The following MOB1A variants were observed in gnomAD, a reference collection of about 807,000 sequenced individuals.
The protein encoded by MOB1A is MOB kinase activator 1A.
MOB1A carries 10 observed loss-of-function variants against 25.1 expected under a neutral mutation model. The ratio of observed to expected loss-of-function variants is 0.40; its 90% CI spans 0.25 to 0.68. The LOEUF (loss-of-function observed/expected upper bound fraction) is 0.68. Among genes scored for constraint, MOB1A ranks in the 30% least tolerant of loss-of-function variants. MOB1A has a pLI of 0.40. For synonymous variants in MOB1A, 81 were observed against 79.5 expected (o/e 1.02, Z -0.10); for missense variants, 177 against 256.3 (o/e 0.69, Z 2.11).
chr2:74,162,158 G>A (rs1230559793), intron 4 of MOB1A, among the ~76,000 whole-genome samples: 4 of 152,092 alleles, frequency 2.6e-5, no homozygotes, highest in Non-Finnish European at 4.4e-5. Context: ...AAGAGGTGGT[G>A]GATCAGAATG....
chr2:74,168,381 T>C (rs764486187), intron 2 of MOB1A, among the ~76,000 whole-genome samples: 4 of 152,234 alleles, frequency 2.6e-5, no homozygotes, highest in Non-Finnish European at 4.4e-5. Flanking sequence ...AAAAATGTTT[T>C]AGGCTAGGTG....
chr2:74,173,239 A>G (rs375784105), intron 1 of MOB1A: 81 of 516,258 alleles, frequency 1.6e-4, no homozygotes, highest in Non-Finnish European at 3.0e-4. Context: ...GATTAGCAGC[A>G]CAATTCCACA....
chr2:74,170,651 C>G (rs1693265614), intron 2 of MOB1A, among the ~76,000 whole-genome samples: 1 of 150,104 alleles, frequency 6.7e-6, no homozygotes, highest in African/African-American at 2.5e-5. Context: ...AGAAGAATCA[C>G]CTGAACACAG....
Position 74,165,245 on chromosome 2 carries a change from C to T in MOB1A, c.382G>A (p.Asp128Asn), listed in dbSNP as rs1693097676. 6.4e-7 allele frequency: 1 copy of T among 1,556,372 alleles called. No homozygotes were observed. Among genetic ancestry groups the T allele is most frequent in the Admixed American group, 1.9e-5 (1 of 51,980 alleles). ...ATCTTAGAAGGAAAAAGAGTTTCAT[C>T]ATCAAGCTGATCTTGAACCCAAGTC... ...LMTWVQDQLD[D>N]ETLFPSKIGV... The change falls in exon 4 of 6, where the codon GAT (aspartate) becomes AAT (asparagine). Residue 128 changes from aspartate (D) to asparagine (N), a missense_variant. Coordinates refer to ENST00000396049, the MANE Select transcript of MOB1A (RefSeq NM_018221.5).
Position 74,154,412 on chromosome 2 carries a change from T to TA in MOB1A, c.*2155dup, listed in dbSNP as rs1164203328. Reference sequence around the variant, plus strand: ...CCTGGTAATGTTTTTATTTTTATTTTAAAAAAGGACAGTCTTGAGTCTCAA... The same window carrying TA: ...CCTGGTAATGTTTTTATTTTTATTTTAAAAAAAGGACAGTCTTGAGTCTCAA... On this transcript the variant is annotated 3_prime_UTR_variant, in exon 6 of 6. Coordinates refer to ENST00000396049, the MANE Select transcript of MOB1A (RefSeq NM_018221.5). 6.6e-6 allele frequency: 1 copy of TA among 152,102 alleles called. No homozygotes were observed. The highest frequency in any genetic ancestry group is 6.6e-5 in the Admixed American group (1 of 15,260). The allele number at this position is 152,102 out of a possible 1,614,324, so 9.4% of individuals were successfully genotyped here. A position where few individuals can be genotyped will look rare whatever the true frequency, so the allele number is the denominator to read the frequency against.
chr2:74,176,590 C>T (rs965862618), intron 1 of MOB1A, among the ~76,000 whole-genome samples: 1 of 151,758 alleles, frequency 6.6e-6, no homozygotes, highest in Non-Finnish European at 1.5e-5. Flanking sequence ...CGGTGAAACC[C>T]CGTCTCTACT....
At position 74,156,314 on chromosome 2, in the gene MOB1A, T is replaced by C. The variant is rs1432684742; in HGVS notation, c.*254A>G. The C allele has an allele frequency of 2.5e-6, 1 of 407,296 alleles. No homozygotes were observed. Among genetic ancestry groups the C allele is most frequent in the African/African-American group, 2.1e-5 (1 of 47,770 alleles). 25.2% of individuals were successfully genotyped at this position (407,296 alleles called of 1,614,324 possible). A position where few individuals can be genotyped will look rare whatever the true frequency, so the allele number is the denominator to read the frequency against. On this transcript the variant is annotated 3_prime_UTR_variant, in exon 6 of 6. Coordinates refer to ENST00000396049, the MANE Select transcript of MOB1A (RefSeq NM_018221.5). ...AAGCTACAGGTTAACCATCACATAT[T>C]ACAACCAAGTATGACTATGTGATAA...
At chr2:74,166,715 A>G (rs1315658570) in intron 3 of MOB1A, among the ~76,000 whole-genome samples, 1 of 152,216 alleles carries the variant, frequency 6.6e-6, no homozygotes, top group Non-Finnish European at 1.5e-5. Flanking sequence ...ACAGGCCTGT[A>G]ATCCCAGCCA....
chr2:74,156,471 T>G lies in MOB1A; in HGVS notation c.*97A>C, dbSNP rs1472563210. The G allele has an allele frequency of 4.4e-6, 4 of 916,332 alleles. No individual in the cohort carries two copies. In the African/African-American group the frequency reaches 6.7e-5, roughly 15 times the overall value. The allele number at this position is 916,332 out of a possible 1,614,324, so 56.8% of individuals were successfully genotyped here. On this transcript the variant is annotated 3_prime_UTR_variant, in exon 6 of 6. Coordinates refer to ENST00000396049, the MANE Select transcript of MOB1A (RefSeq NM_018221.5). ...GGCAATGGGTATCTTTTTATCCTGT[T>G]TTCTTAAAGTTTGTATCACTAGTCT...
intron 2 of MOB1A, among the ~76,000 whole-genome samples, chr2:74,170,791 T>C (rs1041577514): frequency 2.1e-5 from 3 of 145,180 alleles, no homozygotes. Context: ...CTCGGACGGG[T>C]GAGGTGGGAG....
At chr2:74,178,635 G>C in intron 1 of MOB1A, 26 bp downstream of exon 1, 5 of 1,381,274 alleles carry the variant, frequency 3.6e-6, no homozygotes, top group Non-Finnish European at 4.7e-6. Flanking sequence ...CCGCAGGCCC[G>C]GCGCCCGCGG....
intron 2 of MOB1A, 62 bp downstream of exon 2, chr2:74,172,524 T>A: frequency 6.7e-7 from 1 of 1,502,998 alleles, no homozygotes; most frequent in Non-Finnish European, 9.0e-7. Flanking sequence ...AGAAAATTCA[T>A]TAACAAAGAG....
At chr2:74,167,986 A>C (rs1432770780) in intron 2 of MOB1A, among the ~76,000 whole-genome samples, 1 of 152,158 alleles carries the variant, frequency 6.6e-6, no homozygotes, top group African/African-American at 2.4e-5. Flanking sequence ...AAATTTTTAA[A>C]AAATTAGCCA....
At chr2:74,178,387 G>T in intron 1 of MOB1A, 1 of 303,880 alleles carries the variant, frequency 3.3e-6, no homozygotes, top group Non-Finnish European at 6.0e-6. Flanking sequence ...CCCCGCCCTC[G>T]GGGGCGCTCG....
chr2:74,178,533 G>A, intron 1 of MOB1A, 128 bp downstream of exon 1: 2 of 606,204 alleles, frequency 3.3e-6, no homozygotes, highest in South Asian at 5.2e-5. Context: ...CCCGAACAGA[G>A]GCAAAACAAA....
At chr2:74,169,067 T>C (rs748051487) in intron 2 of MOB1A, among the ~76,000 whole-genome samples, 11 of 152,220 alleles carry the variant, frequency 7.2e-5, no homozygotes, top group Non-Finnish European at 1.2e-4. Flanking sequence ...AATCCAGGTG[T>C]CTATTAAGCC....
At position 74,167,023 on chromosome 2, in the gene MOB1A, G is replaced by A. The variant is rs760105956; in HGVS notation, c.266C>T (p.Ala89Val). The A allele has an allele frequency of 1.2e-6, 2 of 1,612,834 alleles. No individual in the cohort carries two copies. Among genetic ancestry groups the A allele is most frequent in the South Asian group, 1.1e-5 (1 of 91,044 alleles). ...CTEASCPVMS[A>V]GPRYEYHWAD... ...TAGGCAGTATATGTACCTCGGACCTGCAGACATGACTGGACAGCTTGCTTC... is the reference window on the plus strand; with the variant it reads ...TAGGCAGTATATGTACCTCGGACCTACAGACATGACTGGACAGCTTGCTTC... Residue 89 changes from alanine (A) to valine (V), a missense_variant, in exon 3 of 6, where the codon GCA becomes GTA. Ala to Val is a moderately conservative substitution (Grantham distance 64). Transcript: ENST00000396049.
intron 4 of MOB1A, among the ~76,000 whole-genome samples, chr2:74,163,120 A>G (rs1472600976): frequency 6.6e-6 from 1 of 152,250 alleles, no homozygotes; most frequent in East Asian, 1.9e-4. Context: ...AGAAGGCAAG[A>G]AACGGATGTC....
chr2:74,158,700 A>G (rs908005217), intron 5 of MOB1A, among the ~76,000 whole-genome samples: 1 of 149,754 alleles, frequency 6.7e-6, no homozygotes, highest in African/African-American at 2.5e-5. Context: ...AATCACTTGA[A>G]CCCAGGAGGC....
Sources: gnomAD v4.1 joint callset for allele counts (sites outside exome capture counted in the v4.1 genomes callset) on GRCh38, gnomAD v4.1.1 for gene constraint, MANE v1.5 for transcripts, NCBI Gene and HGNC (gene_info 2026-07-23, HGNC 2026-07-21) for gene names.